Variants in PCDHGA11 observed in about 807,000 individuals in gnomAD.
The protein encoded by PCDHGA11 is protocadherin gamma-A11.
In PCDHGA11, 39 loss-of-function variants were observed where a neutral mutation model predicts 60.4. That is an observed-to-expected ratio of 0.65 (90% CI 0.50 to 0.84). The LOEUF is 0.84. PCDHGA11 is among the 40% of genes least tolerant of loss of function. PCDHGA11 has a pLI of 0.00. For synonymous variants in PCDHGA11, 533 were observed against 510.3 expected (o/e 1.04, Z -0.60); for missense variants, 1,165 against 1,197.7 (o/e 0.97, Z 0.40).
At chr5:141,423,750 TGGGGGGGG>T in intron 1 of PCDHGA11, 90 bp downstream of exon 1, 1 of 287,524 alleles carries the variant, frequency 3.5e-6, no homozygotes, top group Non-Finnish European at 4.5e-6. Flanking sequence ...GAAAACTGTT[TGGGGGGGG>T]GGTGGGGCGG....
At chr5:141,481,811 G>A (rs1050821120) in intron 1 of PCDHGA11, among the ~76,000 whole-genome samples, 1 of 151,892 alleles carries the variant, frequency 6.6e-6, no homozygotes. Context: ...AATTCACCAG[G>A]CGTGGTGGCT....
chr5:141,471,394 G>A (rs1349459242), intron 1 of PCDHGA11: 1 of 152,056 alleles, frequency 6.6e-6, no homozygotes, highest in Non-Finnish European at 1.5e-5. Context: ...TACAAGTTAC[G>A]TAGCTAGGCT....
intron 2 of PCDHGA11, among the ~76,000 whole-genome samples, chr5:141,503,292 A>T (rs7710319): frequency 0.52 from 78,681 of 151,966 alleles, 21,044 homozygotes; most frequent in African/African-American, 0.62. Flanking sequence ...TGGTACATAG[A>T]AATTGCTCAA....
In PCDHGA11 at chr5:141,432,006, C is replaced by T. The variant is rs138689793; in HGVS notation, c.2433+8346C>T. Reference sequence around the variant, plus strand: ...ATAGTCTTGGATAGGGAACAGGTTCCTAGCTACAACATCACAGTGACCGCC... The same window carrying T: ...ATAGTCTTGGATAGGGAACAGGTTCTTAGCTACAACATCACAGTGACCGCC... On this transcript the variant is annotated intron_variant, in intron 1 of 3. Transcript: ENST00000398587. This position sits in a 1 kb window ranked among gnomAD's most constrained non-coding sequence, Gnocchi z 6.0. The T allele has an allele frequency of 2.6e-4, 412 of 1,614,186 alleles. 2 individuals carry two copies. The African/African-American group carries it at 4.6e-3, about 18-fold the overall frequency.
chr5:141,466,754 C>G (rs1045917268), intron 1 of PCDHGA11, among the ~76,000 whole-genome samples: 2 of 152,138 alleles, frequency 1.3e-5, no homozygotes, highest in South Asian at 2.1e-4. Context: ...GATAGGGGCT[C>G]TTTTCAAACT....
intron 1 of PCDHGA11, among the ~76,000 whole-genome samples, chr5:141,464,803 G>A (rs933573443): frequency 1.5e-4 from 23 of 152,092 alleles, no homozygotes; most frequent in African/African-American, 5.1e-4. Context: ...CAGTGATGCA[G>A]TCATAGCTCA....
At chr5:141,508,371 C>T (rs1250979168) in intron 3 of PCDHGA11, 1 of 152,226 alleles carries the variant, frequency 6.6e-6, no homozygotes, top group East Asian at 1.9e-4. Flanking sequence ...CAACTTCTTC[C>T]CCTCAGATTT....
chr5:141,494,676 C>G, intron 1 of PCDHGA11, 131 bp from the exon 2 acceptor site: 1 of 1,550,918 alleles, frequency 6.4e-7, no homozygotes, highest in African/African-American at 1.4e-5. Context: ...GAGTCCACCC[C>G]TGCCCCCTCT....
At chr5:141,427,492 T>C (rs894605769) in intron 1 of PCDHGA11, 1 of 555,624 alleles carries the variant, frequency 1.8e-6, no homozygotes, top group Non-Finnish European at 3.4e-6. Context: ...TATAAGCTTG[T>C]AACAGATGGG....
At position 141,477,217 on chromosome 5, in the gene PCDHGA11, G is replaced by T. The variant is rs745497348; in HGVS notation, c.2434-17590G>T. On this transcript the variant is annotated intron_variant, in intron 1 of 3. Transcript: ENST00000398587. This position sits in a 1 kb window ranked among gnomAD's most constrained non-coding sequence, Gnocchi z 4.9. ...GCCCAGTACCCGAGGATGCCCCTCTGGGGACTGTCATCGCTTTGCTCAGTG... is the reference window on the plus strand; with the variant it reads ...GCCCAGTACCCGAGGATGCCCCTCTTGGGACTGTCATCGCTTTGCTCAGTG... The T allele has an allele frequency of 8.1e-6, 13 of 1,614,178 alleles. No homozygotes were observed. The African/African-American group carries it at 1.7e-4, about 22-fold the overall frequency.
chr5:141,499,565 C>CTTATCTTGT (rs2099792732), intron 2 of PCDHGA11, among the ~76,000 whole-genome samples: 2 of 152,168 alleles, frequency 1.3e-5, no homozygotes, highest in Non-Finnish European at 2.9e-5. Flanking sequence ...CACTATCCAG[C>CTTATCTTGT]TTCAACTAAT....
In PCDHGA11 at chr5:141,453,631, T is replaced by C. The variant is rs114710858; in HGVS notation, c.2433+29971T>C. On this transcript the variant is annotated intron_variant, in intron 1 of 3. Transcript: ENST00000398587. ...AACGCAAAAACAAAACCTATACATATTTATATTTTCTTATGTCCTCTTCTT... is the reference window on the plus strand; with the variant it reads ...AACGCAAAAACAAAACCTATACATACTTATATTTTCTTATGTCCTCTTCTT... Among the ~76,000 whole-genome samples the C allele has an allele frequency of 8.2e-3, 1,249 of 152,332 alleles. 7 individuals are homozygous for C. Among genetic ancestry groups the C allele is most frequent in the Non-Finnish European group, 0.013 (893 of 68,030 alleles).
intron 1 of PCDHGA11, among the ~76,000 whole-genome samples, chr5:141,447,896 G>C (rs2098554754): frequency 6.6e-6 from 1 of 152,022 alleles, no homozygotes; most frequent in African/African-American, 2.4e-5. Flanking sequence ...GACCAGCCTG[G>C]CCAACATGGT....
In PCDHGA11 at chr5:141,490,861, T is replaced by C. The variant is rs1465042036; in HGVS notation, c.2434-3946T>C. The C allele has an allele frequency of 1.2e-6, 2 of 1,613,816 alleles. No individual in the cohort carries two copies. Among genetic ancestry groups the C allele is most frequent in the Non-Finnish European group, 1.7e-6 (2 of 1,179,920 alleles). On this transcript the variant is annotated intron_variant, in intron 1 of 3. Coordinates refer to ENST00000398587, the MANE Select transcript of PCDHGA11 (RefSeq NM_018914.3). The surrounding 1 kb of genome is among the most constrained non-coding windows in gnomAD (Gnocchi z 5.4). Reference sequence around the variant, plus strand: ...TGTGGTGGGGGTTCGAGACTCCGGCTCTCCCCCATTGCATGCCAACACATC... The same window carrying C: ...TGTGGTGGGGGTTCGAGACTCCGGCCCTCCCCCATTGCATGCCAACACATC...
intron 1 of PCDHGA11, among the ~76,000 whole-genome samples, chr5:141,447,640 G>A (rs184184100): frequency 6.6e-6 from 1 of 152,198 alleles, no homozygotes; most frequent in Admixed American, 6.5e-5. Flanking sequence ...TATGAATGAT[G>A]GTAGAATTTT....
rs762433242 is a variant in PCDHGA11, at chr5:141,476,856, C to A, written c.2434-17951C>A. 2.5e-6 allele frequency: 4 copies of A among 1,613,762 alleles called. No individual in the cohort carries two copies. In the East Asian group the frequency reaches 6.7e-5, roughly 27 times the overall value. ...GACAATGCGCCTGTCTTCAACCAGTCCTTGTACCGGGCGCGCGTCCTGGAG... is the reference window on the plus strand; with the variant it reads ...GACAATGCGCCTGTCTTCAACCAGTACTTGTACCGGGCGCGCGTCCTGGAG... On this transcript the variant is annotated intron_variant, in intron 1 of 3. Coordinates refer to ENST00000398587, the MANE Select transcript of PCDHGA11 (RefSeq NM_018914.3). This position sits in a 1 kb window ranked among gnomAD's most constrained non-coding sequence, Gnocchi z 7.6.
chr5:141,505,528 C>T (rs746609783), intron 3 of PCDHGA11, 47 bp downstream of exon 3: 4 of 1,612,320 alleles, frequency 2.5e-6, no homozygotes, highest in Non-Finnish European at 3.4e-6. Context: ...ACCTGGGGTT[C>T]TGGGGTGCAT....
At chr5:141,510,754 C>G (rs1407911674) in intron 3 of PCDHGA11, among the ~76,000 whole-genome samples, 193 bp from the exon 4 acceptor site, 3 of 152,168 alleles carry the variant, frequency 2.0e-5, no homozygotes, top group African/African-American at 7.2e-5. Flanking sequence ...GACTTTCTCA[C>G]TCCAGAGCCT....
Position 141,432,911 on chromosome 5 carries a change from C to G in PCDHGA11, c.2433+9251C>G. 5 of 1,614,176 alleles carry G rather than the reference C, an allele frequency of 3.1e-6. No homozygotes were observed. Among genetic ancestry groups the G allele is most frequent in the Non-Finnish European group, 4.2e-6 (5 of 1,180,014 alleles). Reference sequence around the variant, plus strand: ...CTTGCTGCTGGCGCTCAGGCTGCGGCGCTGGCACAAGTCACGCCTGCTGCA... The same window carrying G: ...CTTGCTGCTGGCGCTCAGGCTGCGGGGCTGGCACAAGTCACGCCTGCTGCA... On this transcript the variant is annotated intron_variant, in intron 1 of 3. Transcript: ENST00000398587. This position sits in a 1 kb window ranked among gnomAD's most constrained non-coding sequence, Gnocchi z 6.0.
Sources: allele counts gnomAD v4.1 joint callset (sites outside exome capture counted in the v4.1 genomes callset), GRCh38; gene constraint gnomAD v4.1.1; non-coding constraint Gnocchi (gnomAD v3.1); transcripts MANE v1.5; gene names NCBI Gene and HGNC (gene_info 2026-07-23, HGNC 2026-07-21).